Variants in ABR observed in about 807,000 individuals in gnomAD.
ABR encodes the protein ABR activator of RhoGEF and GTPase, also known as active breakpoint cluster region-related protein.
A neutral mutation model predicts 107.2 loss-of-function variants in ABR; 35 were observed. The observed-to-expected ratio is 0.33, with a 90% CI of 0.25 to 0.43. The LOEUF (loss-of-function observed/expected upper bound fraction) is 0.43, where lower values mean the gene tolerates loss of function less well. Among genes scored for constraint, ABR ranks in the 20% least tolerant of loss-of-function variants. ABR has a pLI of 1.00. For missense variants in ABR, 815 were observed against 1,115.2 expected (o/e 0.73, Z 3.83); for synonymous variants, 498 against 462.0 (o/e 1.08, Z -1.00).
chr17:1,093,501 C>T (rs1440624412), intron 3 of ABR, among the ~76,000 whole-genome samples: 2 of 152,134 alleles, frequency 1.3e-5, no homozygotes, highest in Admixed American at 6.6e-5. Context: ...ACTTAATCTA[C>T]GTTGCTCTGC....
rs1486677752 is a variant in ABR, at chr17:1,050,671, G to A, written c.1562-37C>T. 2 of 1,579,748 alleles carry A rather than the reference G, an allele frequency of 1.3e-6. No individual in the cohort carries two copies. Among genetic ancestry groups the A allele is most frequent in the South Asian group, 1.1e-5 (1 of 90,474 alleles). On this transcript the variant is annotated intron_variant, in intron 14 of 22. Coordinates refer to ENST00000302538, the MANE Select transcript of ABR (RefSeq NM_021962.5). The surrounding 1 kb of genome is among the most constrained non-coding windows in gnomAD (Gnocchi z 4.6). The stretch of plus-strand genomic sequence containing the variant: ...GGACAGACGGAGATACTGAGTGAGT[G>A]GGGCCAGGGTGGGGCAGCTGGGGCG...
At chr17:1,028,130 G>C (rs549289402) in intron 16 of ABR, among the ~76,000 whole-genome samples, 2 of 152,080 alleles carry the variant, frequency 1.3e-5, no homozygotes, top group Admixed American at 1.3e-4. Context: ...TCGCTCTGTT[G>C]CCCAGGCTGG....
At chr17:1,131,015 A>G (rs940691189) in intron 1 of ABR, among the ~76,000 whole-genome samples, 4 of 152,254 alleles carry the variant, frequency 2.6e-5, no homozygotes, top group Non-Finnish European at 4.4e-5. Context: ...TTAAGCCACA[A>G]ATGCAGCGCC....
intron 2 of ABR, among the ~76,000 whole-genome samples, chr17:1,104,756 G>T (rs1173699604): frequency 6.6e-6 from 1 of 152,230 alleles, no homozygotes; most frequent in African/African-American, 2.4e-5. Flanking sequence ...TTCCTTGGCA[G>T]AATTTAGAAC....
rs1240200180 is a variant in ABR, at chr17:1,050,075, T to C, written c.1766A>G (p.Lys589Arg). The change falls in exon 16 of 23, where the codon AAG becomes AGG. Residue 589 changes from lysine (K) to arginine (R), a missense_variant. By Grantham distance (26) the Lys-to-Arg change is conservative (BLOSUM62 2). Coordinates refer to ENST00000302538, the MANE Select transcript of ABR (RefSeq NM_021962.5). This position sits in a 1 kb window ranked among gnomAD's most constrained non-coding sequence, Gnocchi z 4.6. ...VNKDNNEIVD[K>R]IMGKGQIQLD... Reference sequence around the variant, plus strand: ...CTGGATCTGTCCTTTGCCCATGATCTTGTCCACGATCTCATTGTTGTCCTT... The same window carrying C: ...CTGGATCTGTCCTTTGCCCATGATCCTGTCCACGATCTCATTGTTGTCCTT... 6.2e-7 allele frequency: 1 copy of C among 1,614,160 alleles called. No individual in the cohort carries two copies. The highest frequency in any genetic ancestry group is 8.5e-7 in the Non-Finnish European group (1 of 1,180,014).
intron 1 of ABR, among the ~76,000 whole-genome samples, chr17:1,215,528 C>G (rs1171646240): frequency 2.0e-5 from 3 of 152,190 alleles, no homozygotes; most frequent in Non-Finnish European, 4.4e-5. Flanking sequence ...GACGGAGTCT[C>G]GTTCACTGAG....
In ABR at chr17:1,059,922, A is replaced by G. The variant is rs546372034; in HGVS notation, c.1183-1055T>C. On this transcript the variant is annotated intron_variant, in intron 10 of 22. Coordinates refer to ENST00000302538, the MANE Select transcript of ABR (RefSeq NM_021962.5). Reference sequence around the variant, plus strand: ...ATGCCACCAGTCACAGCTTTTTCAGAGGTAAAAGCCTGTCAATTAAGCGCA... The same window carrying G: ...ATGCCACCAGTCACAGCTTTTTCAGGGGTAAAAGCCTGTCAATTAAGCGCA... Among the ~76,000 whole-genome samples the G allele has an allele frequency of 3.9e-3, 594 of 152,194 alleles. 3 individuals carry two copies. The highest frequency in any genetic ancestry group is 0.013 in the African/African-American group (559 of 41,516).
At chr17:1,198,520 A>C (rs1358037849) in intron 1 of ABR, among the ~76,000 whole-genome samples, 1 of 151,312 alleles carries the variant, frequency 6.6e-6, no homozygotes, top group Non-Finnish European at 1.5e-5. Flanking sequence ...AGGCGGGTGG[A>C]TCACCTGAGA....
chr17:1,059,227 C>T (rs891982520), intron 10 of ABR, among the ~76,000 whole-genome samples: 3 of 152,184 alleles, frequency 2.0e-5, no homozygotes, highest in Non-Finnish European at 4.4e-5. Context: ...GACCACTCCT[C>T]TAGCCCAGGG....
intron 16 of ABR, among the ~76,000 whole-genome samples, chr17:1,018,111 T>C (rs781147158): frequency 2.8e-4 from 42 of 151,502 alleles, no homozygotes; most frequent in South Asian, 1.9e-3. Flanking sequence ...GGCGCGATCC[T>C]GGCTCACTGC....
At chr17:1,134,411 CA>C (rs57709062) in intron 1 of ABR, among the ~76,000 whole-genome samples, 74,332 of 150,760 alleles carry the variant, frequency 0.49, 18,404 homozygotes, top group East Asian at 0.55. Flanking sequence ...GACTCCCTCT[CA>C]AAAAAATAAA....
intron 16 of ABR, among the ~76,000 whole-genome samples, chr17:1,032,481 G>A (rs2072881178): frequency 2.0e-5 from 3 of 152,216 alleles, no homozygotes; most frequent in Non-Finnish European, 4.4e-5. Flanking sequence ...CTCTTGAGGG[G>A]TCACTTTGAA....
intron 1 of ABR, among the ~76,000 whole-genome samples, chr17:1,211,456 A>G (rs1243784412): frequency 9.2e-5 from 14 of 152,116 alleles, no homozygotes; most frequent in Admixed American, 9.2e-4. Context: ...CCTTATCTAA[A>G]TTATTCCAGG....
rs1003796578 is a variant in ABR at position 1,150,091 on chromosome 17, G to A, written c.62-24724C>T. On this transcript the variant is annotated intron_variant, in intron 1 of 22. Transcript: ENST00000302538. This position sits in a 1 kb window ranked among gnomAD's most constrained non-coding sequence, Gnocchi z 4.8. ...TGTTATGATTTCTCCCCATAGTCCC[G>A]GCCTGGGAGAGACACCGAGAGGAAG... is the stretch of plus-strand genomic sequence containing the variant. Among the ~76,000 whole-genome samples the A allele has an allele frequency of 2.0e-5, 3 of 151,616 alleles. No homozygotes were observed. Among genetic ancestry groups the A allele is most frequent in the African/African-American group, 7.3e-5 (3 of 41,218 alleles).
chr17:1,108,990 C>A, intron 2 of ABR: 3 of 1,598,518 alleles, frequency 1.9e-6, no homozygotes, highest in African/African-American at 2.7e-5. Context: ...GTTCCCAGCT[C>A]GCACTCCTCC....
At chr17:1,031,941 C>T in intron 16 of ABR, 7 of 976,036 alleles carry the variant, frequency 7.2e-6, no homozygotes, top group Non-Finnish European at 9.2e-6. Context: ...CCCTCCTTCC[C>T]CGCCCTCCGC....
At chr17:1,190,992 C>T (rs1222728159), upstream of ABR, among the ~76,000 whole-genome samples, 1 of 152,212 alleles carries the variant, frequency 6.6e-6, no homozygotes, top group Non-Finnish European at 1.5e-5. Context: ...GCCTGACAGA[C>T]AGGGCTTGGG....
rs960237964 is a variant in ABR at position 1,050,396 on chromosome 17, G to C, written c.1659+141C>G. 2.1e-6 allele frequency: 2 copies of C among 972,850 alleles called. No homozygotes were observed. The highest frequency in any genetic ancestry group is 1.6e-6 in the Non-Finnish European group (1 of 635,926). 60.3% of individuals were successfully genotyped at this position (972,850 alleles called of 1,614,324 possible). A position where few individuals can be genotyped will look rare whatever the true frequency, so the allele number is the denominator to read the frequency against. ...GGTCTGACACCCAGACACACACCGCGATCAGAAGCCAGAGGAGCAGGGAGC... is the reference window on the plus strand; with the variant it reads ...GGTCTGACACCCAGACACACACCGCCATCAGAAGCCAGAGGAGCAGGGAGC... On this transcript the variant is annotated intron_variant, in intron 15 of 22. Coordinates refer to ENST00000302538, the MANE Select transcript of ABR (RefSeq NM_021962.5). The surrounding 1 kb of genome is among the most constrained non-coding windows in gnomAD (Gnocchi z 4.6).
chr17:1,037,154 G>C lies in ABR; in HGVS notation c.1791+12896C>G, dbSNP rs2073259331. 6.6e-6 allele frequency among the ~76,000 whole-genome samples: 1 copy of C among 152,132 alleles called. No individual in the cohort carries two copies. Among genetic ancestry groups the C allele is most frequent in the African/African-American group, 2.4e-5 (1 of 41,416 alleles). ...AGGTGGGGCTGGGAGAGGGGTCCAG[G>C]GTGGGCTCAAGGTTGAAGATGGGCA... On this transcript the variant is annotated intron_variant, in intron 16 of 22. Coordinates refer to ENST00000302538, the MANE Select transcript of ABR (RefSeq NM_021962.5). This position sits in a 1 kb window ranked among gnomAD's most constrained non-coding sequence, Gnocchi z 4.6.
Sources: allele counts gnomAD v4.1 joint callset (sites outside exome capture counted in the v4.1 genomes callset), GRCh38; gene constraint gnomAD v4.1.1; non-coding constraint Gnocchi (gnomAD v3.1); transcripts MANE v1.5; gene names NCBI Gene and HGNC (gene_info 2026-07-23, HGNC 2026-07-21).